Variants in EHMT1 observed in about 807,000 individuals in gnomAD.
The protein encoded by EHMT1 is euchromatic histone lysine methyltransferase 1.
Under a neutral mutation model 147.2 loss-of-function variants are expected in EHMT1, and 15 were observed. The observed-to-expected ratio is 0.10, with a 90% CI of 0.07 to 0.16. The LOEUF (loss-of-function observed/expected upper bound fraction) is 0.16, where lower values mean the gene tolerates loss of function less well. Among genes scored for constraint, EHMT1 ranks in the 10% least tolerant of loss-of-function variants. EHMT1 has a pLI of 1.00. For synonymous variants in EHMT1, 795 were observed against 709.6 expected (o/e 1.12, Z -1.91); for missense variants, 1,587 against 1,772.4 (o/e 0.90, Z 1.88).
intron 4 of EHMT1, among the ~76,000 whole-genome samples, chr9:137,729,511 C>T (rs572884696): frequency 9.2e-5 from 14 of 151,782 alleles, no homozygotes; most frequent in Middle Eastern, 6.8e-3. Flanking sequence ...GGCGTGAACC[C>T]GGGAGGCGGA....
chr9:137,630,097 T>C (rs1185243287), intron 1 of EHMT1, among the ~76,000 whole-genome samples: 1 of 152,210 alleles, frequency 6.6e-6, no homozygotes, highest in Admixed American at 6.5e-5. Flanking sequence ...TGTGAGCTGC[T>C]GTTTCATTCT....
intron 1 of EHMT1, among the ~76,000 whole-genome samples, chr9:137,655,979 T>C (rs1453386654): frequency 6.6e-6 from 1 of 152,218 alleles, no homozygotes; most frequent in African/African-American, 2.4e-5. Flanking sequence ...CTTTATGATA[T>C]ATCTACTTTA....
chr9:137,775,256 A>G lies in EHMT1; in HGVS notation c.1791+4A>G, dbSNP rs752213814. The G allele has an allele frequency of 1.9e-6, 3 of 1,609,814 alleles. No individual in the cohort carries two copies. The Admixed American group carries it at 5.0e-5, about 27-fold the overall frequency. On this transcript the variant is annotated splice_donor_region_variant and intron_variant, in intron 11 of 26. Coordinates refer to ENST00000460843, the MANE Select transcript of EHMT1 (RefSeq NM_024757.5). The surrounding 1 kb of genome is among the most constrained non-coding windows in gnomAD (Gnocchi z 6.1). The stretch of plus-strand genomic sequence containing the variant: ...CTGTGGCTACTTCTGCACAGCGGTA[A>G]GAGCCCAGTCCGGCAGCCTCTGAGT...
chr9:137,818,099 T>C lies in EHMT1; in HGVS notation c.3501T>C (p.Val1167=), dbSNP rs1955070406. The change falls in exon 25 of 27, where the codon GTT becomes GTC. Residue 1167 remains valine (V), a synonymous_variant. Coordinates refer to ENST00000460843, the MANE Select transcript of EHMT1 (RefSeq NM_024757.5). ...TGATTTCAGACTCAGAAGCCGACGT[T>C]CGAGAGGAAGATTCTTACCTCTTTG... ...GELISDSEAD[V]REEDSYLFDL... is the part of the protein sequence containing the mutation. The C allele has an allele frequency of 1.2e-6, 2 of 1,614,050 alleles. No individual in the cohort carries two copies. Among genetic ancestry groups the C allele is most frequent in the Non-Finnish European group, 1.7e-6 (2 of 1,180,038 alleles).
chr9:137,753,669 G>A (rs937490557), intron 7 of EHMT1, among the ~76,000 whole-genome samples: 3 of 152,236 alleles, frequency 2.0e-5, no homozygotes, highest in Non-Finnish European at 4.4e-5. Flanking sequence ...CATGTGGCAT[G>A]GATGCCCTTG....
intron 8 of EHMT1, among the ~76,000 whole-genome samples, chr9:137,756,773 G>A (rs983344324): frequency 5.9e-5 from 9 of 152,196 alleles, no homozygotes; most frequent in Non-Finnish European, 1.5e-5. Flanking sequence ...TCACAGAGGA[G>A]TTTGAATTTT....
intron 18 of EHMT1, among the ~76,000 whole-genome samples, chr9:137,801,319 T>C (rs1257476027): frequency 6.6e-6 from 1 of 152,046 alleles, no homozygotes; most frequent in East Asian, 1.9e-4. Context: ...TCTCCCTTTG[T>C]TTTTGTTTTT....
In EHMT1 at chr9:137,810,761, C is replaced by T. The variant is rs573030611; in HGVS notation, c.2713-700C>T. Among the ~76,000 whole-genome samples, 59 of 151,694 alleles carry T rather than the reference C, an allele frequency of 3.9e-4. No homozygotes were observed. The Middle Eastern group carries it at 0.01, about 26-fold the overall frequency. ...TTGCCTAGGCTGGAGTGCAGTGGCA[C>T]GTTCTCGGCTCACTGTAACCCTCTG... On this transcript the variant is annotated intron_variant, in intron 18 of 26. Transcript: ENST00000460843.
chr9:137,829,744 C>T (rs544340416), intron 25 of EHMT1, among the ~76,000 whole-genome samples: 4 of 152,366 alleles, frequency 2.6e-5, no homozygotes, highest in South Asian at 2.1e-4. Context: ...GTGTGCCCCC[C>T]GTGGTGTCAC....
chr9:137,814,827 A>AC (rs1564813798), intron 22 of EHMT1: 1 of 520,208 alleles, frequency 1.9e-6, no homozygotes, highest in Non-Finnish European at 3.5e-6. Context: ...TGTATCTGGT[A>AC]AGCTGTGCCT....
chr9:137,639,213 GTTTAA>G (rs1441899539), intron 1 of EHMT1, among the ~76,000 whole-genome samples: 1 of 149,252 alleles, frequency 6.7e-6, no homozygotes, highest in Non-Finnish European at 1.5e-5. Flanking sequence ...GTTTCAGTGT[GTTTAA>G]TTTGTTAGAT....
In EHMT1 at chr9:137,808,624, A is replaced by G. The variant is rs533601441; in HGVS notation, c.2713-2837A>G. On this transcript the variant is annotated intron_variant, in intron 18 of 26. Coordinates refer to ENST00000460843, the MANE Select transcript of EHMT1 (RefSeq NM_024757.5). ...GGGCGTTTGAACAGTCCCAGAGTGGAAGGATCTTATGTGAACTGGAAGCTC... is the reference window on the plus strand; with the variant it reads ...GGGCGTTTGAACAGTCCCAGAGTGGGAGGATCTTATGTGAACTGGAAGCTC... Among the ~76,000 whole-genome samples, 50 of 132,200 alleles carry G rather than the reference A, an allele frequency of 3.8e-4. 1 individual carries two copies. Among genetic ancestry groups the G allele is most frequent in the Middle Eastern group, 4.8e-3 (1 of 208 alleles). 86.7% of individuals were successfully genotyped at this position (132,200 alleles called of 152,430 possible).
In EHMT1 at chr9:137,782,096, T is replaced by G. The variant is rs1242792490; in HGVS notation, c.2276-195T>G. Reference sequence around the variant, plus strand: ...AGTTCTGACAGAGGGACCTGCCTGTTCAATTCCGCAGGAGACTAGCACACT... The same window carrying G: ...AGTTCTGACAGAGGGACCTGCCTGTGCAATTCCGCAGGAGACTAGCACACT... On this transcript the variant is annotated intron_variant, in intron 14 of 26. Transcript: ENST00000460843. This position sits in a 1 kb window ranked among gnomAD's most constrained non-coding sequence, Gnocchi z 5.7. Among the ~76,000 whole-genome samples the G allele has an allele frequency of 6.6e-6, 1 of 151,950 alleles. No individual in the cohort carries two copies. The highest frequency in any genetic ancestry group is 1.5e-5 in the Non-Finnish European group (1 of 67,968).
intron 25 of EHMT1, among the ~76,000 whole-genome samples, chr9:137,825,204 C>G (rs555965795): frequency 6.6e-6 from 1 of 152,312 alleles, no homozygotes; most frequent in East Asian, 1.9e-4. Context: ...CTGCCTTCCT[C>G]ACATTCTGTG....
At position 137,787,518 on chromosome 9, in the gene EHMT1, GGTA is replaced by G; in HGVS notation, c.2383-3327_2383-3325del. ...CCAGCTCGGCCACGGCCACACGTGG[GGTA>G]GTTAGTAAACACCATGGACTCCCAG... is the stretch of plus-strand genomic sequence containing the variant. On this transcript the variant is annotated intron_variant, in intron 15 of 26. Coordinates refer to ENST00000460843, the MANE Select transcript of EHMT1 (RefSeq NM_024757.5). This position sits in a 1 kb window ranked among gnomAD's most constrained non-coding sequence, Gnocchi z 4.2. The G allele has an allele frequency of 2.8e-6, 1 of 359,920 alleles. No individual in the cohort carries two copies. The highest frequency in any genetic ancestry group is 6.3e-5 in the East Asian group (1 of 15,962). The allele number at this position is 359,920 out of a possible 1,614,324, so 22.3% of individuals were successfully genotyped here. A position where few individuals can be genotyped will look rare whatever the true frequency, so the allele number is the denominator to read the frequency against.
At chr9:137,789,887 G>A (rs746376896) in intron 15 of EHMT1, among the ~76,000 whole-genome samples, 3 of 152,148 alleles carry the variant, frequency 2.0e-5, no homozygotes, top group Non-Finnish European at 4.4e-5. Context: ...CAGGCACCAC[G>A]CCTGGTTAAT....
chr9:137,695,488 AATC>A (rs1943329447), intron 1 of EHMT1, among the ~76,000 whole-genome samples: 1 of 152,218 alleles, frequency 6.6e-6, no homozygotes, highest in Admixed American at 6.5e-5. Flanking sequence ...CTGAAACAAC[AATC>A]ATCATTTGTT....
chr9:137,636,156 A>G (rs1448878564), intron 1 of EHMT1, among the ~76,000 whole-genome samples: 3 of 152,118 alleles, frequency 2.0e-5, no homozygotes, highest in Non-Finnish European at 4.4e-5. Flanking sequence ...TCCTGACCTC[A>G]GGATCCACCC....
chr9:137,745,384 G>A (rs994534115), intron 6 of EHMT1: 2 of 392,864 alleles, frequency 5.1e-6, no homozygotes, highest in Non-Finnish European at 4.5e-6. Context: ...TTAAAAATTC[G>A]TTGGAAATAT....
Sources: allele counts gnomAD v4.1 joint callset (sites outside exome capture counted in the v4.1 genomes callset), GRCh38; gene constraint gnomAD v4.1.1; non-coding constraint Gnocchi (gnomAD v3.1); transcripts MANE v1.5; gene names NCBI Gene and HGNC (gene_info 2026-07-23, HGNC 2026-07-21).